The following RALGPS1 variants were observed in gnomAD, a reference collection of about 807,000 sequenced individuals.
The protein encoded by RALGPS1 is Ral GEF with PH domain and SH3 binding motif 1.
RALGPS1 carries 19 observed loss-of-function variants against 78.8 expected under a neutral mutation model. The observed-to-expected ratio is 0.24, with a 90% CI of 0.17 to 0.35. The LOEUF (loss-of-function observed/expected upper bound fraction) is 0.35, where lower values mean the gene tolerates loss of function less well. RALGPS1 is among the 10% of genes least tolerant of loss of function. The pLI is 1.00. For missense variants in RALGPS1, 454 were observed against 688.3 expected (o/e 0.66, Z 3.81); for synonymous variants, 228 against 256.3 (o/e 0.89, Z 1.06).
intron 1 of RALGPS1, among the ~76,000 whole-genome samples, chr9:126,935,184 C>T (rs1200274210): frequency 2.6e-5 from 4 of 152,206 alleles, no homozygotes; most frequent in African/African-American, 9.6e-5. Flanking sequence ...CATTGTGCTG[C>T]TTTGATCTAC....
chr9:127,108,675 A>G, intron 8 of RALGPS1: 1 of 1,613,384 alleles, frequency 6.2e-7, no homozygotes, highest in Middle Eastern at 1.7e-4. Context: ...GGCCTGCAAC[A>G]GCTCCCATGG....
chr9:127,178,038 G>C, intron 11 of RALGPS1: 2 of 1,496,596 alleles, frequency 1.3e-6, no homozygotes, highest in Non-Finnish European at 1.8e-6. Context: ...CCATGGGCCG[G>C]CCCAGGGTCC....
chr9:127,199,088 C>A (rs2061485187), intron 14 of RALGPS1, 22 bp downstream of exon 14: 1 of 1,610,702 alleles, frequency 6.2e-7, no homozygotes, highest in Non-Finnish European at 8.5e-7. Flanking sequence ...CTCAGCATGG[C>A]CTCCCTCCCA....
rs1156318700 is a variant in RALGPS1 at position 127,218,170 on chromosome 9, ACT to A, written c.1645-567_1645-566del. ...GGCAGCTTTTGGGGGTGGCAGAAAC[ACT>A]CTGACCTTGGGGCTAGTGGTCCCGC... On this transcript the variant is annotated intron_variant, in intron 18 of 18. Coordinates refer to ENST00000259351, the MANE Select transcript of RALGPS1 (RefSeq NM_014636.3). The surrounding 1 kb of genome is among the most constrained non-coding windows in gnomAD (Gnocchi z 4.4). Among the ~76,000 whole-genome samples, 1 of 151,802 alleles carries A rather than the reference ACT, an allele frequency of 6.6e-6. No homozygotes were observed. The highest frequency in any genetic ancestry group is 1.9e-4 in the East Asian group (1 of 5,172).
At chr9:127,015,120 C>T (rs1337358350) in intron 4 of RALGPS1, among the ~76,000 whole-genome samples, 1 of 152,192 alleles carries the variant, frequency 6.6e-6, no homozygotes, top group Non-Finnish European at 1.5e-5. Flanking sequence ...TGGTGCCATT[C>T]ACTTTGTAGA....
At chr9:126,993,743 C>T (rs1227338210) in intron 4 of RALGPS1, among the ~76,000 whole-genome samples, 1 of 152,070 alleles carries the variant, frequency 6.6e-6, no homozygotes, top group East Asian at 1.9e-4. Flanking sequence ...CAAGTGGGTC[C>T]CTGACCCCAG....
intron 1 of RALGPS1, among the ~76,000 whole-genome samples, chr9:126,915,916 C>T (rs993355218): frequency 2.6e-5 from 4 of 152,044 alleles, no homozygotes; most frequent in Non-Finnish European, 5.9e-5. Flanking sequence ...AGCAGTGCGT[C>T]TCAAAAAGAC....
intron 8 of RALGPS1, among the ~76,000 whole-genome samples, chr9:127,162,132 A>G (rs2059057192): frequency 6.6e-6 from 1 of 152,222 alleles, no homozygotes; most frequent in African/African-American, 2.4e-5. Flanking sequence ...TCTCTCATGC[A>G]TTCCTTTGTC....
rs565019913 is a variant in RALGPS1, at chr9:127,122,035, G to A, written c.611-44034G>A. Among the ~76,000 whole-genome samples the A allele has an allele frequency of 1.6e-4, 24 of 152,250 alleles. No homozygotes were observed. The highest frequency in any genetic ancestry group is 4.2e-4 in the South Asian group (2 of 4,818). ...TCTGCCGTGCCGGGAGCTGCCGGCC[G>A]GCACCCCAAAGGCTCTTTGTCCAAA... On this transcript the variant is annotated intron_variant, in intron 8 of 18. Coordinates refer to ENST00000259351, the MANE Select transcript of RALGPS1 (RefSeq NM_014636.3). This position sits in a 1 kb window ranked among gnomAD's most constrained non-coding sequence, Gnocchi z 6.4.
chr9:127,140,618 A>C (rs2057706196), intron 8 of RALGPS1, among the ~76,000 whole-genome samples: 1 of 152,302 alleles, frequency 6.6e-6, no homozygotes, highest in Non-Finnish European at 1.5e-5. Context: ...ACACACCTAA[A>C]TCCTAAGAGC....
chr9:127,206,278 A>C (rs536845992), intron 14 of RALGPS1, among the ~76,000 whole-genome samples: 1 of 152,328 alleles, frequency 6.6e-6, no homozygotes, highest in East Asian at 1.9e-4. Context: ...AAAGTATATT[A>C]GTCTGTTCTC....
chr9:127,099,965 G>T (rs1001694142), intron 8 of RALGPS1, among the ~76,000 whole-genome samples: 1 of 152,180 alleles, frequency 6.6e-6, no homozygotes, highest in Non-Finnish European at 1.5e-5. Flanking sequence ...AGACTTACTG[G>T]CTCTAAAATA....
chr9:127,124,323 T>G (rs1397105813), intron 8 of RALGPS1, among the ~76,000 whole-genome samples: 1 of 152,192 alleles, frequency 6.6e-6, no homozygotes, highest in African/African-American at 2.4e-5. Flanking sequence ...GAAGTCCAGC[T>G]AGAGGCCACA....
At position 126,997,693 on chromosome 9, in the gene RALGPS1, AAAG is replaced by A. The variant is rs2133426472; in HGVS notation, c.216+19950_216+19952del. 2.0e-5 allele frequency among the ~76,000 whole-genome samples: 3 copies of A among 152,344 alleles called. 1 individual carries two copies. In the South Asian group the frequency reaches 6.2e-4, roughly 32 times the overall value. On this transcript the variant is annotated intron_variant, in intron 4 of 18. Coordinates refer to ENST00000259351, the MANE Select transcript of RALGPS1 (RefSeq NM_014636.3). ...ACTTAAAAGTTCATATGGAACCAAA[AAAG>A]AGCCCACATCGCCAAGTGAATCCTA... is the stretch of plus-strand genomic sequence containing the variant.
rs936807435 is a variant in RALGPS1, at chr9:127,218,568, C to T, written c.1645-172C>T. Among the ~76,000 whole-genome samples the T allele has an allele frequency of 5.9e-5, 9 of 152,168 alleles. No homozygotes were observed. The highest frequency in any genetic ancestry group is 1.7e-4 in the African/African-American group (7 of 41,426). ...GGTGGATTCAGAGCAGTGCCTGGCA[C>T]GCAGCTGCCACTTCACATGGGGTGG... On this transcript the variant is annotated intron_variant, in intron 18 of 18. Coordinates refer to ENST00000259351, the MANE Select transcript of RALGPS1 (RefSeq NM_014636.3). The surrounding 1 kb of genome is among the most constrained non-coding windows in gnomAD (Gnocchi z 4.4).
chr9:127,103,121 CTTGA>C (rs1440686230), intron 8 of RALGPS1, among the ~76,000 whole-genome samples: 7 of 152,244 alleles, frequency 4.6e-5, no homozygotes, highest in African/African-American at 1.7e-4. Context: ...TGGTTGCTTG[CTTGA>C]CCTCCAGAAA....
chr9:127,015,105 C>T (rs2044698007), intron 4 of RALGPS1, among the ~76,000 whole-genome samples: 1 of 152,018 alleles, frequency 6.6e-6, no homozygotes, highest in Admixed American at 6.6e-5. Flanking sequence ...CTTTTATAAC[C>T]CCTGTGGTGC....
At chr9:126,925,472 T>C (rs146390938) in intron 1 of RALGPS1, among the ~76,000 whole-genome samples, 1 of 151,342 alleles carries the variant, frequency 6.6e-6, no homozygotes, top group African/African-American at 2.4e-5. Context: ...CACTGGAACC[T>C]GGGGGGCAGA....
intron 11 of RALGPS1, among the ~76,000 whole-genome samples, chr9:127,193,137 G>A (rs1300856756): frequency 6.6e-6 from 1 of 152,132 alleles, no homozygotes; most frequent in African/African-American, 2.4e-5. Flanking sequence ...GGAAAGTGAG[G>A]CAGGGAATTA....
Sources: gnomAD v4.1 joint callset for allele counts (sites outside exome capture counted in the v4.1 genomes callset) on GRCh38, gnomAD v4.1.1 for gene constraint, Gnocchi (gnomAD v3.1) non-coding constraint, MANE v1.5 for transcripts, NCBI Gene and HGNC (gene_info 2026-07-23, HGNC 2026-07-21) for gene names.